UVSSA: variants seen among roughly 807,000 people sequenced by gnomAD.
UVSSA encodes UV stimulated scaffold protein A, also known as UV-stimulated scaffold protein A.
A neutral mutation model predicts 73.9 loss-of-function variants in UVSSA; 72 were observed. The ratio of observed to expected loss-of-function variants is 0.97; its 90% confidence interval spans 0.81 to 1.19. The LOEUF (loss-of-function observed/expected upper bound fraction) is 1.19, where lower values mean the gene tolerates loss of function less well. UVSSA is among the 50% of genes most tolerant of loss of function. The pLI, the probability that UVSSA is intolerant of heterozygous loss-of-function variation, is 0.00. For synonymous variants in UVSSA, 454 were observed against 391.3 expected (o/e 1.16, Z -1.89); for missense variants, 1,150 against 965.0 (o/e 1.19, Z -2.54).
chr4:1,354,435 T>G (rs545167299), intron 5 of UVSSA: 6 of 411,548 alleles, frequency 1.5e-5, no homozygotes, highest in East Asian at 4.8e-5. Flanking sequence ...GGGCGGTGAG[T>G]AGAAGAGGCT....
rs770104817 is a variant in UVSSA at position 1,376,168 on chromosome 4, A to G, written c.1568A>G (p.Lys523Arg). 1.4e-5 allele frequency: 22 copies of G among 1,609,360 alleles called. No individual in the cohort carries two copies. The highest frequency in any genetic ancestry group is 2.2e-5 in the East Asian group (1 of 44,752). The change falls in exon 10 of 14, where the codon AAG becomes AGG. Residue 523 changes from lysine to arginine, a missense_variant and splice_region_variant. Coordinates refer to ENST00000389851, the MANE Select transcript of UVSSA (RefSeq NM_020894.4). Reference protein sequence around the residue: ...QELPTAGKIVKSDSQHRFWKP... With the variant: ...QELPTAGKIVRSDSQHRFWKP... The stretch of plus-strand genomic sequence containing the variant: ...CTCCCCACAGCCGGGAAGATTGTCA[A>G]GTGAGTCCCCATGTGTCTGAAGTCG...
chr4:1,358,862 GC>G (rs550971842), intron 7 of UVSSA, among the ~76,000 whole-genome samples: 1 of 152,196 alleles, frequency 6.6e-6, no homozygotes, highest in Non-Finnish European at 1.5e-5. Flanking sequence ...ATTCAGTCAT[GC>G]CTGATTTAAA....
At chr4:1,381,131 G>A (rs28678404) in intron 12 of UVSSA, 143 bp downstream of exon 12, 97,323 of 782,098 alleles carry the variant, frequency 0.12, 7,320 homozygotes, top group African/African-American at 0.27. Context: ...GTCATAACTG[G>A]CAGAATCAGG....
At chr4:1,355,575 G>A (rs1715603626) in intron 7 of UVSSA, among the ~76,000 whole-genome samples, 1 of 152,212 alleles carries the variant, frequency 6.6e-6, no homozygotes, top group Non-Finnish European at 1.5e-5. Context: ...CATCAGCAGT[G>A]CGGCACCTGT....
chr4:1,346,309 G>A (rs1713675177), upstream of UVSSA, among the ~76,000 whole-genome samples: 1 of 152,118 alleles, frequency 6.6e-6, no homozygotes, highest in Admixed American at 6.5e-5. Context: ...CCCCCGCCCT[G>A]CACCCAGCCC....
In UVSSA at chr4:1,349,740, G is replaced by A. The variant is rs149796000; in HGVS notation, c.315G>A (p.Ala105=). 1,007 of 1,612,994 alleles carry A rather than the reference G, an allele frequency of 6.2e-4. 3 individuals are homozygous for A. The highest frequency in any genetic ancestry group is 2.5e-3 in the African/African-American group (184 of 74,940). The change falls in exon 3 of 14, where the codon GCG becomes GCA. Residue 105 remains alanine (A), a synonymous_variant. Transcript: ENST00000389851. The part of the protein sequence containing the change: ...PAQPLPPPRE[A]AQRLRQATTR... ...AGCCTCTGCCGCCCCCCAGGGAGGC[G>A]GCACAGAGGCTGAGGCAGGCGACCA...
chr4:1,349,821 C>T lies in UVSSA; in HGVS notation c.396C>T (p.Ala132=). 1 of 1,579,064 alleles carries T rather than the reference C, an allele frequency of 6.3e-7. No individual in the cohort carries two copies. The highest frequency in any genetic ancestry group is 1.1e-5 in the South Asian group (1 of 87,346). Reference sequence around the variant, plus strand: ...TTGGGGAGGCCTACAAGAAGCTTGCCTTGGGCTACCACTTCTTAAGACACA... The same window carrying T: ...TTGGGGAGGCCTACAAGAAGCTTGCTTTGGGCTACCACTTCTTAAGACACA... The part of the protein sequence containing the change: ...EKFGEAYKKL[A]LGYHFLRHNK... Residue 132 remains alanine (A), a synonymous_variant, in exon 3 of 14, where the codon GCC becomes GCT. Coordinates refer to ENST00000389851, the MANE Select transcript of UVSSA (RefSeq NM_020894.4).
chr4:1,395,245 C>T lies in UVSSA; in HGVS notation c.*9284C>T, dbSNP rs778977861. ...GGAGTGCCCGCCTGCTCACACGTGC[C>T]CATGTGGAGTGCCCGCCTGCTCACG... On this transcript the variant is annotated 3_prime_UTR_variant, in exon 14 of 14. Transcript: ENST00000511216. The T allele has an allele frequency of 4.8e-6, 7 of 1,467,068 alleles. No homozygotes were observed. In the East Asian group the frequency reaches 9.3e-5, roughly 20 times the overall value. The allele number at this position is 1,467,068 out of a possible 1,614,324, so 90.9% of individuals were successfully genotyped here.
rs956602306 is a variant in UVSSA, at chr4:1,347,698, T to C, written c.-65T>C. 1 of 171,050 alleles carries C rather than the reference T, an allele frequency of 5.8e-6. No homozygotes were observed. Among genetic ancestry groups the C allele is most frequent in the Non-Finnish European group, 1.3e-5 (1 of 79,076 alleles). The allele number at this position is 171,050 out of a possible 1,614,324, so 10.6% of individuals were successfully genotyped here. A position where few individuals can be genotyped will look rare whatever the true frequency, so the allele number is the denominator to read the frequency against. ...CTCCGGACGCGACTTTTCATTGGTCTCAGAATTTCTTGGCTCCTCTTGGCC... is the reference window on the plus strand; with the variant it reads ...CTCCGGACGCGACTTTTCATTGGTCCCAGAATTTCTTGGCTCCTCTTGGCC... On this transcript the variant is annotated 5_prime_UTR_variant, in exon 1 of 14. Coordinates refer to ENST00000389851, the MANE Select transcript of UVSSA (RefSeq NM_020894.4).
At chr4:1,378,212 C>T (rs1437811553) in intron 10 of UVSSA, among the ~76,000 whole-genome samples, 3 of 152,142 alleles carry the variant, frequency 2.0e-5, no homozygotes, top group Non-Finnish European at 2.9e-5. Flanking sequence ...ATGGGGGTGG[C>T]GGCCACAGGC....
At position 1,366,314 on chromosome 4, in the gene UVSSA, C is replaced by T; in HGVS notation, c.1177-6C>T. ...GGTTGATTTGTATTGGGGTGTTTTTCCACAGACAGAAGCCCTGGGGGATGC... is the reference window on the plus strand; with the variant it reads ...GGTTGATTTGTATTGGGGTGTTTTTTCACAGACAGAAGCCCTGGGGGATGC... On this transcript the variant is annotated splice_region_variant and splice_polypyrimidine_tract_variant and intron_variant, in intron 7 of 13. Coordinates refer to ENST00000389851, the MANE Select transcript of UVSSA (RefSeq NM_020894.4). 1 of 1,606,354 alleles carries T rather than the reference C, an allele frequency of 6.2e-7. No homozygotes were observed. Among genetic ancestry groups the T allele is most frequent in the Non-Finnish European group, 8.5e-7 (1 of 1,176,104 alleles).
chr4:1,351,368 C>G (rs1482616364), intron 3 of UVSSA, among the ~76,000 whole-genome samples: 1 of 147,908 alleles, frequency 6.8e-6, no homozygotes, highest in African/African-American at 2.5e-5. Context: ...TGGGCCAGCC[C>G]TAGTCTTTAT....
exon 14 of UVSSA, chr4:1,395,380 GCCT>G: frequency 6.4e-7 from 1 of 1,554,000 alleles, no homozygotes; most frequent in Non-Finnish European, 8.7e-7. Context: ...TGGAGTGCCC[GCCT>G]GCTCACACGT....
intron 6 of UVSSA, 30 bp downstream of exon 6, chr4:1,354,877 G>A: frequency 6.4e-7 from 1 of 1,563,252 alleles, no homozygotes; most frequent in South Asian, 1.1e-5. Context: ...CCTGTGGGTG[G>A]AGGGACGTGT....
chr4:1,394,885 C>G (rs532285367), exon 14 of UVSSA: 1 of 1,500,262 alleles, frequency 6.7e-7, no homozygotes, highest in South Asian at 1.3e-5. Context: ...ATGCGGAGTG[C>G]CCGCCTGCTC....
At chr4:1,393,748 CAT>C (rs1347990479) in exon 14 of UVSSA, 2 of 153,972 alleles carry the variant, frequency 1.3e-5, no homozygotes, top group Non-Finnish European at 2.9e-5. Flanking sequence ...TTTGTGGTCT[CAT>C]ATATATGTAT....
rs768088458 is a variant in UVSSA at position 1,353,167 on chromosome 4, T to A, written c.688T>A (p.Ser230Thr). ...ASGMSDALRS[S>T]CAGQVGPCRS... is the part of the protein sequence containing the mutation. ...TGGCATGTCCGATGCCCTTCGCTCC[T>A]CCTGCGCGGGCCAGGTGGGCCCCTG... The change falls in exon 5 of 14, where the codon TCC (serine) becomes ACC (threonine). Residue 230 changes from serine (S) to threonine (T), a missense_variant. Coordinates refer to ENST00000389851, the MANE Select transcript of UVSSA (RefSeq NM_020894.4). 1 of 1,612,894 alleles carries A rather than the reference T, an allele frequency of 6.2e-7. No homozygotes were observed. The highest frequency in any genetic ancestry group is 2.2e-5 in the East Asian group (1 of 44,874).
Position 1,347,778 on chromosome 4 carries a change from C to G in UVSSA, c.-3+18C>G, listed in dbSNP as rs1475083596. The G allele has an allele frequency of 3.4e-6, 1 of 293,516 alleles. No homozygotes were observed. Among genetic ancestry groups the G allele is most frequent in the Non-Finnish European group, 6.5e-6 (1 of 154,428 alleles). 18.2% of individuals were successfully genotyped at this position (293,516 alleles called of 1,614,324 possible). A position where few individuals can be genotyped will look rare whatever the true frequency, so the allele number is the denominator to read the frequency against. On this transcript the variant is annotated intron_variant, in intron 1 of 13. Coordinates refer to ENST00000389851, the MANE Select transcript of UVSSA (RefSeq NM_020894.4). ...GAATCTGAGTGAATAAGGGAAACAG[C>G]AACAGTCACGTTGGGGAAAAGCTGA...
intron 8 of UVSSA, 60 bp downstream of exon 8, chr4:1,366,491 G>GC: frequency 7.5e-7 from 1 of 1,327,946 alleles, no homozygotes; most frequent in Non-Finnish European, 1.0e-6. Flanking sequence ...TCAGGATGTG[G>GC]CCCCTTGGGG....
Sources: allele counts gnomAD v4.1 joint callset (sites outside exome capture counted in the v4.1 genomes callset), GRCh38; gene constraint gnomAD v4.1.1; transcripts MANE v1.5; gene names NCBI Gene and HGNC (gene_info 2026-07-23, HGNC 2026-07-21).